The following RFNG variants were observed in gnomAD, a reference collection of about 807,000 sequenced individuals.
RFNG encodes RFNG O-fucosylpeptide 3-beta-N-acetylglucosaminyltransferase, also known as beta-1,3-N-acetylglucosaminyltransferase radical fringe.
RFNG carries 37 observed loss-of-function variants against 29.6 expected under a neutral mutation model. The observed-to-expected ratio is 1.25, with a 90% CI of 0.96 to 1.65. The LOEUF is 1.65. Ranked by LOEUF, RFNG falls within the 40% of genes most tolerant of loss-of-function variation. The pLI is 0.00. For synonymous variants in RFNG, 276 were observed against 197.3 expected (o/e 1.40, Z -3.34); for missense variants, 546 against 457.0 (o/e 1.19, Z -1.78).
rs775442127 is a variant in RFNG at position 82,050,393 on chromosome 17, G to A, written c.573+9C>T. On this transcript the variant is annotated intron_variant, in intron 4 of 7. Coordinates refer to ENST00000310496, the MANE Select transcript of RFNG (RefSeq NM_002917.2). The stretch of plus-strand genomic sequence containing the variant: ...CGTCTGCTCCGATGGCGTCTGCTCC[G>A]ACACTCACAGTTCTGCCACCCTGGA... The A allele has an allele frequency of 3.5e-5, 55 of 1,564,244 alleles. No individual in the cohort carries two copies. The highest frequency in any genetic ancestry group is 1.7e-4 in the Middle Eastern group (1 of 5,812).
intron 7 of RFNG, 30 bp from the exon 8 acceptor site, chr17:82,048,837 C>A: frequency 6.3e-7 from 1 of 1,590,884 alleles, no homozygotes; most frequent in Non-Finnish European, 8.6e-7. Context: ...GGGTCAGGGC[C>A]GTGGGCGGAG....
At chr17:82,049,485 A>C (rs1213894206) in intron 6 of RFNG, 192 bp downstream of exon 6, 3 of 746,640 alleles carry the variant, frequency 4.0e-6, no homozygotes, top group Non-Finnish European at 7.0e-6. Flanking sequence ...TCTGCCCCAG[A>C]CACCATACCC....
intron 4 of RFNG, 130 bp from the exon 5 acceptor site, chr17:82,050,136 G>C (rs1344409623): frequency 5.5e-6 from 5 of 903,966 alleles, no homozygotes; most frequent in African/African-American, 1.7e-5. Context: ...AAGCTTCTTG[G>C]AGCAAAAAGA....
intron 4 of RFNG, 71 bp from the exon 5 acceptor site, chr17:82,050,077 C>T: frequency 2.3e-6 from 3 of 1,326,562 alleles, no homozygotes; most frequent in South Asian, 1.2e-5. Flanking sequence ...TGGGACTCCC[C>T]AGGCATCTTT....
In RFNG at chr17:82,049,692, G is replaced by A; in HGVS notation, c.813C>T (p.Asp271=). 6.8e-7 allele frequency: 1 copy of A among 1,475,630 alleles called. No individual in the cohort carries two copies. Among genetic ancestry groups the A allele is most frequent in the Non-Finnish European group, 9.0e-7 (1 of 1,113,538 alleles). The allele number at this position is 1,475,630 out of a possible 1,614,324, so 91.4% of individuals were successfully genotyped here. ...GCGCCTGTACCTGCTGGAGCAGGGT[G>A]TCGGGCGGCAGCCTCTGCAGGTTCT... ...HLENLQRLPP[D]TLLQQVTLSH... The change falls in exon 6 of 8, where the codon GAC becomes GAT. Residue 271 remains aspartate, a synonymous_variant. Transcript: ENST00000310496.
At chr17:82,048,962 G>C in intron 7 of RFNG, 69 bp downstream of exon 7, 1 of 1,537,494 alleles carries the variant, frequency 6.5e-7, no homozygotes, top group Non-Finnish European at 9.0e-7. Flanking sequence ...GGTCAGGGCC[G>C]TGGGTAGAGG....
Position 82,049,676 on chromosome 17 carries a change from C to A in RFNG, c.828+1G>T. ...AGAGGCACCCAGAGTGGCGCCTGTA[C>A]CTGCTGGAGCAGGGTGTCGGGCGGC... On this transcript the variant is annotated splice_donor_variant, in intron 6 of 7. Transcript: ENST00000310496. LOFTEE classifies it high-confidence loss of function. The A allele has an allele frequency of 3.4e-6, 5 of 1,465,008 alleles. No homozygotes were observed. The South Asian group carries it at 5.7e-5, about 17-fold the overall frequency. 90.8% of individuals were successfully genotyped at this position (1,465,008 alleles called of 1,614,324 possible).
rs1257005597 is a variant in RFNG at position 82,050,132 on chromosome 17, C to T, written c.574-126G>A. 9 of 944,350 alleles carry T rather than the reference C, an allele frequency of 9.5e-6. No individual in the cohort carries two copies. In the Admixed American group the frequency reaches 1.2e-4, roughly 12 times the overall value. The allele number at this position is 944,350 out of a possible 1,614,324, so 58.5% of individuals were successfully genotyped here. On this transcript the variant is annotated intron_variant, in intron 4 of 7. Coordinates refer to ENST00000310496, the MANE Select transcript of RFNG (RefSeq NM_002917.2). ...GATCCCACCCAGGTAACAGAAGCTT[C>T]TTGGAGCAAAAAGAGCCGGGGGCTT...
chr17:82,050,973 C>T (rs1439108656), intron 2 of RFNG: 9 of 1,428,886 alleles, frequency 6.3e-6, no homozygotes, highest in Non-Finnish European at 6.4e-6. Context: ...CGGTTGGGAT[C>T]TCTTGAGTGG....
chr17:82,049,633 G>A, intron 6 of RFNG, 44 bp downstream of exon 6: 2 of 1,461,750 alleles, frequency 1.4e-6, no homozygotes, highest in Non-Finnish European at 1.8e-6. Flanking sequence ...AGTCAGGGCG[G>A]GGCAAAGCCC....
In RFNG at chr17:82,051,371, T is replaced by C. The variant is rs374008053; in HGVS notation, c.268-29A>G. 11 of 1,452,934 alleles carry C rather than the reference T, an allele frequency of 7.6e-6. No individual in the cohort carries two copies. The African/African-American group carries it at 1.5e-4, about 20-fold the overall frequency. The allele number at this position is 1,452,934 out of a possible 1,614,324, so 90.0% of individuals were successfully genotyped here. On this transcript the variant is annotated intron_variant, in intron 1 of 7. Coordinates refer to ENST00000310496, the MANE Select transcript of RFNG (RefSeq NM_002917.2). This position sits in a 1 kb window ranked among gnomAD's most constrained non-coding sequence, Gnocchi z 4.1. ...GGGGAGAAACAATCTATGAGGCTTC[T>C]GGGGCGCTGCCCAGGCCGGAGACCG...
chr17:82,048,952 G>A (rs985302082), intron 7 of RFNG, 79 bp downstream of exon 7: 2 of 1,501,230 alleles, frequency 1.3e-6, no homozygotes, highest in Non-Finnish European at 9.3e-7. Context: ...GAGCAGCGGG[G>A]GTCAGGGCCG....
In RFNG at chr17:82,051,214, C is replaced by A; in HGVS notation, c.316+80G>T. On this transcript the variant is annotated intron_variant, in intron 2 of 7. Transcript: ENST00000310496. This position sits in a 1 kb window ranked among gnomAD's most constrained non-coding sequence, Gnocchi z 4.1. ...CCTGGGCAGAGAAAGGCACCCACAGCAGCGAAGGGGCCGTGGCTTCGGAGC... is the reference window on the plus strand; with the variant it reads ...CCTGGGCAGAGAAAGGCACCCACAGAAGCGAAGGGGCCGTGGCTTCGGAGC... 1 of 1,306,090 alleles carries A rather than the reference C, an allele frequency of 7.7e-7. No homozygotes were observed. Among genetic ancestry groups the A allele is most frequent in the East Asian group, 3.1e-5 (1 of 32,466 alleles). 80.9% of individuals were successfully genotyped at this position (1,306,090 alleles called of 1,614,324 possible).
Position 82,051,411 on chromosome 17 carries a change from G to T in RFNG, c.268-69C>A. 1 of 1,395,242 alleles carries T rather than the reference G, an allele frequency of 7.2e-7. No individual in the cohort carries two copies. The highest frequency in any genetic ancestry group is 9.3e-7 in the Non-Finnish European group (1 of 1,076,362). The allele number at this position is 1,395,242 out of a possible 1,614,324, so 86.4% of individuals were successfully genotyped here. The stretch of plus-strand genomic sequence containing the variant: ...GCCGGAGACCGACCCGCCCCGCGCG[G>T]AGCCTCCGGGGGCCTGGGCCGGGCC... On this transcript the variant is annotated intron_variant, in intron 1 of 7. Coordinates refer to ENST00000310496, the MANE Select transcript of RFNG (RefSeq NM_002917.2). The surrounding 1 kb of genome is among the most constrained non-coding windows in gnomAD (Gnocchi z 4.1).
chr17:82,049,577 G>T, intron 6 of RFNG, 100 bp downstream of exon 6: 1 of 1,368,324 alleles, frequency 7.3e-7, no homozygotes, highest in Non-Finnish European at 1.0e-6. Flanking sequence ...AATCCCACCT[G>T]CCTGCTCAGC....
Position 82,049,800 on chromosome 17 carries a change from C to T in RFNG, c.705G>A (p.Pro235=), listed in dbSNP as rs754872042. Residue 235 remains proline (P), a synonymous_variant, in exon 6 of 8, where the codon CCG becomes CCA. Coordinates refer to ENST00000310496, the MANE Select transcript of RFNG (RefSeq NM_002917.2). The part of the protein sequence containing the change: ...FMSTAEQVRL[P]DDCTVGYIVE... Reference sequence around the variant, plus strand: ...CGATGTAGCCAACTGTGCAGTCATCCGGCAGCCGCACCTGCTCAGCTGTGC... The same window carrying T: ...CGATGTAGCCAACTGTGCAGTCATCTGGCAGCCGCACCTGCTCAGCTGTGC... 30 of 1,549,900 alleles carry T rather than the reference C, an allele frequency of 1.9e-5. No individual in the cohort carries two copies. Among genetic ancestry groups the T allele is most frequent in the Admixed American group, 4.1e-5 (2 of 49,062 alleles).
In RFNG at chr17:82,048,750, T is replaced by C; in HGVS notation, c.972A>G (p.Lys324=). The C allele has an allele frequency of 6.2e-7, 1 of 1,613,080 alleles. No homozygotes were observed. The part of the protein sequence containing the change: ...YPDTDWCPRQ[K]QGAPTSR ...GTCACCGAGAGGTCGGGGCGCCCTGTTTCTGCCTGGGACACCAGTCCGTGT... is the reference window on the plus strand; with the variant it reads ...GTCACCGAGAGGTCGGGGCGCCCTGCTTCTGCCTGGGACACCAGTCCGTGT... Residue 324 remains lysine, a synonymous_variant, in exon 8 of 8, where the codon AAA becomes AAG. Transcript: ENST00000310496.
At chr17:82,049,864 C>T (rs763972516) in intron 5 of RFNG, 22 bp from the exon 6 acceptor site, 4 of 1,611,248 alleles carry the variant, frequency 2.5e-6, no homozygotes, top group Non-Finnish European at 3.4e-6. Flanking sequence ...CCGGTCAGCA[C>T]CTTTCAGGTC....
In RFNG at chr17:82,049,316, A is replaced by G. The variant is rs1373531402; in HGVS notation, c.829-200T>C. On this transcript the variant is annotated intron_variant, in intron 6 of 7. Coordinates refer to ENST00000310496, the MANE Select transcript of RFNG (RefSeq NM_002917.2). ...TCAGGCAGAGCCTGGGGGACAGAAG[A>G]TAGGGATCTGAAACCTCCAGGGCAA... 4 of 702,536 alleles carry G rather than the reference A, an allele frequency of 5.7e-6. No individual in the cohort carries two copies. In the East Asian group the frequency reaches 1.1e-4, roughly 19 times the overall value. 43.5% of individuals were successfully genotyped at this position (702,536 alleles called of 1,614,324 possible).
Sources: allele counts gnomAD v4.1 joint callset, GRCh38; gene constraint gnomAD v4.1.1; non-coding constraint Gnocchi (gnomAD v3.1); transcripts MANE v1.5; gene names NCBI Gene and HGNC (gene_info 2026-07-23, HGNC 2026-07-21).